The following PATL2 variants were observed in gnomAD, a reference collection of about 807,000 sequenced individuals.
PATL2 encodes PAT1 homolog 2.
A neutral mutation model predicts 77.0 loss-of-function variants in PATL2; 73 were observed. That is an observed-to-expected ratio of 0.95 (90% CI 0.78 to 1.15). The LOEUF (loss-of-function observed/expected upper bound fraction) is 1.15, where lower values mean the gene tolerates loss of function less well. Ranked by LOEUF, PATL2 falls within the 50% of genes most tolerant of loss-of-function variation. The probability of loss-of-function intolerance (pLI) is 0.00; values close to 1 mark genes in which losing one functional copy is unlikely to be tolerated. For missense variants in PATL2, 618 were observed against 655.4 expected (o/e 0.94, Z 0.62); for synonymous variants, 265 against 257.1 (o/e 1.03, Z -0.29).
At chr15:44,676,175 C>G (rs540753731) in intron 4 of PATL2, 76 of 438,248 alleles carry the variant, frequency 1.7e-4, no homozygotes, top group African/African-American at 1.5e-3. Context: ...TGAACAAGTT[C>G]CACCTGCCCT....
intron 3 of PATL2, among the ~76,000 whole-genome samples, chr15:44,699,390 C>G (rs569736868): frequency 2.0e-5 from 3 of 152,268 alleles, no homozygotes; most frequent in Admixed American, 2.0e-4. Context: ...GTCACCCAGG[C>G]TAGAGTGCAG....
chr15:44,666,363 G>T (rs2085369634), intron 17 of PATL2, 29 bp downstream of exon 17: 1 of 1,550,958 alleles, frequency 6.4e-7, no homozygotes. Context: ...TGAACAAGGG[G>T]CTTTGACCTT....
chr15:44,686,312 G>A (rs1044143265), intron 3 of PATL2, among the ~76,000 whole-genome samples: 12 of 152,066 alleles, frequency 7.9e-5, no homozygotes, highest in African/African-American at 2.7e-4. Flanking sequence ...ATGACTACTG[G>A]GTAAATAACA....
At chr15:44,673,541 A>T (rs977125703) in intron 6 of PATL2, among the ~76,000 whole-genome samples, 164 bp from the exon 7 acceptor site, 2 of 152,132 alleles carry the variant, frequency 1.3e-5, no homozygotes, top group Non-Finnish European at 1.5e-5. Context: ...GCACCAGACT[A>T]TGGTTCCTGC....
chr15:44,685,324 C>A (rs1194791889), intron 3 of PATL2, among the ~76,000 whole-genome samples: 1 of 152,174 alleles, frequency 6.6e-6, no homozygotes, highest in East Asian at 1.9e-4. Flanking sequence ...AAAGTCAAGA[C>A]CCTGCCAGGC....
chr15:44,709,861 C>G (rs2086816431), intron 3 of PATL2, among the ~76,000 whole-genome samples: 1 of 152,142 alleles, frequency 6.6e-6, no homozygotes. Context: ...ATAGCCCTGT[C>G]CCTTGCTAAA....
In PATL2 at chr15:44,710,828, T is replaced by TC. The variant is rs202057287; in HGVS notation, c.-195+42dup. The stretch of plus-strand genomic sequence containing the variant: ...TTTACTATTAGTGGTCGTTTTTTTC[T>TC]CCCCCCCGCCCCCCGACAAATCAAC... On this transcript the variant is annotated intron_variant, in intron 2 of 17. Coordinates refer to ENST00000682850, the MANE Select transcript of PATL2 (RefSeq NM_001387263.1). 3.9e-3 allele frequency among the ~76,000 whole-genome samples: 539 copies of TC among 136,926 alleles called. 3 individuals carry two copies. The highest frequency in any genetic ancestry group is 0.013 in the African/African-American group (499 of 37,292). The allele number at this position is 136,926 out of a possible 152,430, so 89.8% of individuals were successfully genotyped here.
At position 44,678,874 on chromosome 15, in the gene PATL2, T is replaced by A. The variant is rs182590394; in HGVS notation, c.-75-2309A>T. ...TTTTATGGGGAGATTTTTTATCCAT[T>A]GTTTCAGGTTCTTTAATAGCAGTAG... is the stretch of plus-strand genomic sequence containing the variant. On this transcript the variant is annotated intron_variant, in intron 3 of 17. Transcript: ENST00000682850. Among the ~76,000 whole-genome samples the A allele has an allele frequency of 3.3e-5, 5 of 152,332 alleles. No homozygotes were observed. In the East Asian group the frequency reaches 9.6e-4, roughly 29 times the overall value.
chr15:44,706,201 C>G (rs924397573), intron 3 of PATL2, among the ~76,000 whole-genome samples: 1 of 152,182 alleles, frequency 6.6e-6, no homozygotes, highest in African/African-American at 2.4e-5. Context: ...GTTTTCCTGG[C>G]TGGTCCTGAT....
chr15:44,669,256 G>C (rs1296242549), intron 13 of PATL2, 24 bp downstream of exon 13: 1 of 1,539,410 alleles, frequency 6.5e-7, no homozygotes, highest in Admixed American at 2.0e-5. Flanking sequence ...TTCCTGGGCT[G>C]AGGTGGAACC....
At chr15:44,673,054 C>T (rs545461266) in intron 7 of PATL2, among the ~76,000 whole-genome samples, 181 bp downstream of exon 7, 1 of 152,320 alleles carries the variant, frequency 6.6e-6, no homozygotes, top group South Asian at 2.1e-4. Flanking sequence ...GCCACAGCAC[C>T]CGGCTTTAAA....
intron 3 of PATL2, among the ~76,000 whole-genome samples, chr15:44,688,478 A>G (rs1445543620): frequency 2.0e-5 from 3 of 152,176 alleles, no homozygotes; most frequent in Non-Finnish European, 4.4e-5. Flanking sequence ...GGCTACAGTA[A>G]CCAGAACAGC....
At chr15:44,676,278 A>G in intron 4 of PATL2, 197 bp downstream of exon 4, 1 of 604,498 alleles carries the variant, frequency 1.7e-6, no homozygotes, top group Middle Eastern at 2.8e-4. Flanking sequence ...GTTGTTGTTG[A>G]TAATTTTACT....
chr15:44,707,674 T>C (rs1185464305), intron 3 of PATL2, among the ~76,000 whole-genome samples: 2 of 152,160 alleles, frequency 1.3e-5, no homozygotes, highest in Non-Finnish European at 2.9e-5. Context: ...CTCTGAGCTT[T>C]GAGCTGCCCT....
At chr15:44,708,177 A>G (rs1319692182) in intron 3 of PATL2, among the ~76,000 whole-genome samples, 2 of 152,236 alleles carry the variant, frequency 1.3e-5, no homozygotes, top group Non-Finnish European at 2.9e-5. Flanking sequence ...AGTGATACGA[A>G]GTTAAAACCA....
intron 4 of PATL2, 190 bp downstream of exon 4, chr15:44,676,285 T>G (rs2085950084): frequency 1.6e-6 from 1 of 611,080 alleles, no homozygotes; most frequent in African/African-American, 1.8e-5. Flanking sequence ...TTGATAATTT[T>G]ACTAGGTTGG....
chr15:44,676,295 G>C lies in PATL2; in HGVS notation c.16+180C>G, dbSNP rs142567218. On this transcript the variant is annotated intron_variant, in intron 4 of 17. Transcript: ENST00000682850. ...TGTTGTTGATAATTTTACTAGGTTG[G>C]TGAGAAAAATAAAGCCCAGAAGAGT... 358 of 628,418 alleles carry C rather than the reference G, an allele frequency of 5.7e-4. 2 individuals are homozygous for C. The Middle Eastern group carries it at 6.3e-3, about 11-fold the overall frequency. 38.9% of individuals were successfully genotyped at this position (628,418 alleles called of 1,614,324 possible).
At chr15:44,695,599 G>A (rs1194034941) in intron 3 of PATL2, among the ~76,000 whole-genome samples, 1 of 152,126 alleles carries the variant, frequency 6.6e-6, no homozygotes, top group African/African-American at 2.4e-5. Context: ...CCAGGGCACC[G>A]GCTGCCGGCT....
chr15:44,689,006 A>G (rs1049701387), intron 3 of PATL2, among the ~76,000 whole-genome samples: 1 of 152,178 alleles, frequency 6.6e-6, no homozygotes, highest in Non-Finnish European at 1.5e-5. Flanking sequence ...AACTTAAACA[A>G]ATGTACAAGA....
Sources: allele counts gnomAD v4.1 joint callset (sites outside exome capture counted in the v4.1 genomes callset), GRCh38; gene constraint gnomAD v4.1.1; transcripts MANE v1.5; gene names NCBI Gene and HGNC (gene_info 2026-07-23, HGNC 2026-07-21).